The following SGCZ variants were observed in gnomAD, a reference collection of about 807,000 sequenced individuals.
SGCZ encodes the protein zeta-sarcoglycan.
Under a neutral mutation model 41.3 loss-of-function variants are expected in SGCZ, and 40 were observed. That is an observed-to-expected ratio of 0.97 (90% confidence interval 0.75 to 1.26). The LOEUF is 1.26. Ranked by LOEUF, SGCZ falls within the 50% of genes most tolerant of loss-of-function variation. SGCZ has a pLI of 0.00. For missense variants in SGCZ, 552 were observed against 369.8 expected (o/e 1.49, Z -4.04); for synonymous variants, 206 against 137.5 (o/e 1.50, Z -3.49).
intron 1 of SGCZ, among the ~76,000 whole-genome samples, chr8:14,628,195 G>C (rs1806525934): frequency 6.6e-6 from 1 of 152,002 alleles, no homozygotes; most frequent in Non-Finnish European, 1.5e-5. Context: ...GTTGCTGTTT[G>C]TACCAAATTC....
At chr8:14,672,437 T>C (rs193223157) in intron 1 of SGCZ, among the ~76,000 whole-genome samples, 1 of 152,266 alleles carries the variant, frequency 6.6e-6, no homozygotes, top group Admixed American at 6.5e-5. Context: ...GTGGTTGTTT[T>C]TTAAATTCAT....
chr8:14,440,989 T>G (rs1349511169), intron 2 of SGCZ, among the ~76,000 whole-genome samples: 2 of 152,034 alleles, frequency 1.3e-5, no homozygotes, highest in Non-Finnish European at 2.9e-5. Context: ...AAGGGGGTTT[T>G]GTGTGTGATT....
At chr8:15,218,531 A>C (rs959753829) in intron 1 of SGCZ, among the ~76,000 whole-genome samples, 5 of 152,206 alleles carry the variant, frequency 3.3e-5, no homozygotes, top group Non-Finnish European at 7.3e-5. Flanking sequence ...ATTTAGTTCT[A>C]ACATACATCC....
chr8:14,778,005 C>T (rs369854280), intron 1 of SGCZ, among the ~76,000 whole-genome samples: 1 of 151,920 alleles, frequency 6.6e-6, no homozygotes, highest in Non-Finnish European at 1.5e-5. Flanking sequence ...CTCACTGTAA[C>T]CTTCATCTCC....
chr8:15,129,208 C>T lies in SGCZ; in HGVS notation c.39+108377G>A, dbSNP rs867316048. On this transcript the variant is annotated intron_variant, in intron 1 of 7. Transcript: ENST00000382080. Reference sequence around the variant, plus strand: ...GAAGTGGCTGACTTTTTCGTATTGCCGGGAGTAGTTTTTGTCTCGCACTAC... The same window carrying T: ...GAAGTGGCTGACTTTTTCGTATTGCTGGGAGTAGTTTTTGTCTCGCACTAC... 2.0e-5 allele frequency among the ~76,000 whole-genome samples: 3 copies of T among 152,080 alleles called. No homozygotes were observed. The South Asian group carries it at 6.2e-4, about 32-fold the overall frequency.
At chr8:14,628,618 T>A (rs1020739955) in intron 1 of SGCZ, among the ~76,000 whole-genome samples, 1 of 152,060 alleles carries the variant, frequency 6.6e-6, no homozygotes, top group Admixed American at 6.6e-5. Context: ...TCTTGTCAAA[T>A]AGCTGATTAG....
intron 2 of SGCZ, among the ~76,000 whole-genome samples, chr8:14,447,376 G>C (rs577260716): frequency 1.3e-5 from 2 of 152,130 alleles, no homozygotes; most frequent in South Asian, 4.2e-4. Context: ...TGTTACTTGG[G>C]TAAAAAATTC....
intron 1 of SGCZ, among the ~76,000 whole-genome samples, chr8:15,014,059 A>G (rs1428371729): frequency 7.9e-5 from 12 of 152,206 alleles, no homozygotes; most frequent in Admixed American, 7.9e-4. Flanking sequence ...TGAGAATAAT[A>G]AATGCTGTTT....
At chr8:15,073,610 G>T (rs1805428741) in intron 1 of SGCZ, among the ~76,000 whole-genome samples, 1 of 152,046 alleles carries the variant, frequency 6.6e-6, no homozygotes, top group African/African-American at 2.4e-5. Context: ...CCATAATGTG[G>T]GTGGGCCTTA....
chr8:14,763,049 A>C (rs1273564794), intron 1 of SGCZ, among the ~76,000 whole-genome samples: 9 of 152,348 alleles, frequency 5.9e-5, no homozygotes, highest in Non-Finnish European at 2.9e-5. Context: ...CACAATAAGA[A>C]TTAAAAATAA....
intron 2 of SGCZ, among the ~76,000 whole-genome samples, chr8:14,548,909 C>T (rs1264589964): frequency 6.6e-6 from 1 of 152,030 alleles, no homozygotes; most frequent in Admixed American, 6.6e-5. Flanking sequence ...TTTTGCTGGG[C>T]AGGCTGAGGC....
At chr8:14,366,061 C>G (rs935707989) in intron 2 of SGCZ, among the ~76,000 whole-genome samples, 2 of 152,080 alleles carry the variant, frequency 1.3e-5, no homozygotes, top group African/African-American at 4.8e-5. Context: ...GAGTTGGAAA[C>G]TTTGATCATT....
rs372996138 is a variant in SGCZ, at chr8:14,554,724, G to C, written c.234+8C>G. 1 of 1,608,504 alleles carries C rather than the reference G, an allele frequency of 6.2e-7. No individual in the cohort carries two copies. Among genetic ancestry groups the C allele is most frequent in the Non-Finnish European group, 8.5e-7 (1 of 1,176,440 alleles). On this transcript the variant is annotated splice_region_variant and intron_variant, in intron 2 of 7. Transcript: ENST00000382080. The stretch of plus-strand genomic sequence containing the variant: ...AGCAATAAGATGTAAAATCATAGTG[G>C]TACTTACCACAGTGAAATTCATAAC...
intron 1 of SGCZ, among the ~76,000 whole-genome samples, chr8:14,822,234 T>C (rs1046669724): frequency 6.6e-6 from 1 of 152,138 alleles, no homozygotes; most frequent in Non-Finnish European, 1.5e-5. Context: ...ACAATTTCAT[T>C]TCTGATAGCT....
chr8:15,118,874 T>G (rs1807373559), intron 1 of SGCZ, among the ~76,000 whole-genome samples: 1 of 152,162 alleles, frequency 6.6e-6, no homozygotes, highest in Non-Finnish European at 1.5e-5. Flanking sequence ...GCTATGGTAT[T>G]GGCTTTTTAA....
chr8:14,164,646 C>T lies in SGCZ; in HGVS notation c.481G>A (p.Gly161Ser). Reference protein sequence around the residue: ...KRFEVRASEDGRVLFSADEDE... With the variant: ...KRFEVRASEDSRVLFSADEDE... ...TCATCTGCAGAAAACAGCACCCTGC[C>T]ATCTTCACTGGCTCTCACTTCAAAT... Residue 161 changes from glycine to serine, a missense_variant, in exon 5 of 8, where the codon GGC (glycine) becomes AGC (serine). Physicochemically the swap from Gly to Ser is moderately conservative, Grantham distance 56. Transcript: ENST00000382080. 1 of 1,613,652 alleles carries T rather than the reference C, an allele frequency of 6.2e-7. No individual in the cohort carries two copies. The highest frequency in any genetic ancestry group is 8.5e-7 in the Non-Finnish European group (1 of 1,179,726).
chr8:14,415,432 G>A (rs117473381), intron 2 of SGCZ, among the ~76,000 whole-genome samples: 2 of 151,868 alleles, frequency 1.3e-5, no homozygotes, highest in Non-Finnish European at 2.9e-5. Context: ...GGGAATTAGT[G>A]TGAATGATGA....
chr8:14,609,764 G>A (rs1326318329), intron 1 of SGCZ, among the ~76,000 whole-genome samples: 1 of 152,140 alleles, frequency 6.6e-6, no homozygotes, highest in Admixed American at 6.5e-5. Flanking sequence ...TAAAAGAGCA[G>A]TGGTTTGTAT....
At chr8:14,890,794 A>C (rs1279596352) in intron 1 of SGCZ, among the ~76,000 whole-genome samples, 1 of 152,218 alleles carries the variant, frequency 6.6e-6, no homozygotes, top group African/African-American at 2.4e-5. Context: ...TTCAAAGGAC[A>C]GGCTATCTTG....
Sources: gnomAD v4.1 joint callset for allele counts (sites outside exome capture counted in the v4.1 genomes callset) on GRCh38, gnomAD v4.1.1 for gene constraint, MANE v1.5 for transcripts, NCBI Gene and HGNC (gene_info 2026-07-23, HGNC 2026-07-21) for gene names.